THSD7A: variants seen among roughly 807,000 people sequenced by gnomAD.
THSD7A encodes thrombospondin type 1 domain containing 7A, also known as thrombospondin type-1 domain-containing protein 7A.
In THSD7A, 96 loss-of-function variants were observed where a neutral mutation model predicts 231.3. The ratio of observed to expected loss-of-function variants is 0.41; its 90% CI spans 0.35 to 0.49. The LOEUF (loss-of-function observed/expected upper bound fraction) is 0.49. Among genes scored for constraint, THSD7A ranks in the 20% least tolerant of loss-of-function variants. The pLI is 0.05. For missense variants in THSD7A, 2,290 were observed against 2,070.2 expected (o/e 1.11, Z -2.06); for synonymous variants, 940 against 743.3 (o/e 1.26, Z -4.30).
At chr7:11,674,898 T>G (rs533917869) in intron 1 of THSD7A, among the ~76,000 whole-genome samples, 1 of 152,162 alleles carries the variant, frequency 6.6e-6, no homozygotes, top group African/African-American at 2.4e-5. Context: ...AGTTGAAACC[T>G]AATCCAATGA....
chr7:11,407,442 A>G lies in THSD7A; in HGVS notation c.3799-19T>C. On this transcript the variant is annotated intron_variant, in intron 19 of 27. Coordinates refer to ENST00000423059, the MANE Select transcript of THSD7A (RefSeq NM_015204.3). ...AGCCAAGCTGGAAGAACAGAGGTAGATCAGGATGTATATTGTAAATTGGGG... is the reference window on the plus strand; with the variant it reads ...AGCCAAGCTGGAAGAACAGAGGTAGGTCAGGATGTATATTGTAAATTGGGG... The G allele has an allele frequency of 1.9e-6, 3 of 1,578,180 alleles. No individual in the cohort carries two copies. Among genetic ancestry groups the G allele is most frequent in the Non-Finnish European group, 2.6e-6 (3 of 1,151,708 alleles).
chr7:11,435,460 A>G (rs1784603840), intron 13 of THSD7A, among the ~76,000 whole-genome samples: 2 of 152,040 alleles, frequency 1.3e-5, no homozygotes, highest in African/African-American at 4.8e-5. Context: ...TTATCTGACC[A>G]CCTTTAAGAC....
In THSD7A at chr7:11,379,109, C is replaced by T. The variant is rs774103787; in HGVS notation, c.4762G>A (p.Gly1588Arg). ...HPTQPSSNPA[G>R]RGRTWFLQPF... ...TGTAGAAACCAGGTCCTTCCCCGTC[C>T]TGCTGGGTTACTGGAGGGTTGGGTT... The change falls in exon 26 of 28, where the codon GGA (glycine) becomes AGA (arginine). Residue 1588 changes from glycine to arginine, a missense_variant. Coordinates refer to ENST00000423059, the MANE Select transcript of THSD7A (RefSeq NM_015204.3). The T allele has an allele frequency of 1.9e-6, 3 of 1,613,620 alleles. No homozygotes were observed. The African/African-American group carries it at 4.0e-5, about 22-fold the overall frequency.
intron 7 of THSD7A, among the ~76,000 whole-genome samples, chr7:11,476,820 A>AAG (rs1786206942): frequency 8.4e-6 from 1 of 118,660 alleles, no homozygotes; most frequent in Non-Finnish European, 1.8e-5. Context: ...GTCTCAGAGA[A>AAG]AAAAAAAAAA....
intron 23 of THSD7A, among the ~76,000 whole-genome samples, chr7:11,388,680 T>G (rs1402664102): frequency 6.6e-6 from 1 of 152,150 alleles, no homozygotes; most frequent in Non-Finnish European, 1.5e-5. Context: ...GTTTTTTGTG[T>G]CTCTATTTCC....
intron 4 of THSD7A, among the ~76,000 whole-genome samples, chr7:11,585,678 C>T (rs920896261): frequency 6.6e-6 from 1 of 152,086 alleles, no homozygotes; most frequent in Non-Finnish European, 1.5e-5. Context: ...AGTCTGGGGT[C>T]GTGGGTGGCC....
chr7:11,607,515 G>C (rs1780772311), intron 2 of THSD7A, among the ~76,000 whole-genome samples: 1 of 151,206 alleles, frequency 6.6e-6, no homozygotes, highest in Admixed American at 6.6e-5. Context: ...AGTTCTGATT[G>C]TCTTGTGTTT....
At position 11,377,154 on chromosome 7, in the gene THSD7A, TTAA is replaced by T. The variant is rs1444816302; in HGVS notation, c.4802-500_4802-498del. On this transcript the variant is annotated intron_variant, in intron 26 of 27. Transcript: ENST00000423059. The surrounding 1 kb of genome is among the most constrained non-coding windows in gnomAD (Gnocchi z 4.5). ...TGAATATATTTAAGATTTTATGGAATTAATAATCTTTTATCTAGTCTGCACTTA... is the reference window on the plus strand; with the variant it reads ...TGAATATATTTAAGATTTTATGGAATTAATCTTTTATCTAGTCTGCACTTA... 1.3e-5 allele frequency: 2 copies of T among 152,174 alleles called. No homozygotes were observed. Among genetic ancestry groups the T allele is most frequent in the Non-Finnish European group, 1.5e-5 (1 of 68,026 alleles). 9.4% of individuals were successfully genotyped at this position (152,174 alleles called of 1,614,324 possible). A position where few individuals can be genotyped will look rare whatever the true frequency, so the allele number is the denominator to read the frequency against.
intron 25 of THSD7A, 48 bp from the exon 26 acceptor site, chr7:11,379,328 G>C (rs761935650): frequency 6.3e-7 from 1 of 1,585,254 alleles, no homozygotes; most frequent in South Asian, 1.1e-5. Context: ...GGAATCTTTG[G>C]AAGTCTAACA....
At chr7:11,471,078 G>C (rs1246612802) in intron 8 of THSD7A, among the ~76,000 whole-genome samples, 2 of 151,870 alleles carry the variant, frequency 1.3e-5, no homozygotes, top group Non-Finnish European at 2.9e-5. Flanking sequence ...GAGGTCAAAT[G>C]CTGATAATGA....
intron 1 of THSD7A, among the ~76,000 whole-genome samples, chr7:11,769,140 TATATATATATA>T (rs1172922877): frequency 3.2e-5 from 2 of 62,376 alleles, no homozygotes; most frequent in South Asian, 6.6e-4. Context: ...TATATATATA[TATATATATATA>T]TATTTTTTTT....
At chr7:11,581,371 A>T (rs1012156338) in intron 4 of THSD7A, among the ~76,000 whole-genome samples, 5 of 151,984 alleles carry the variant, frequency 3.3e-5, no homozygotes, top group African/African-American at 1.2e-4. Context: ...GCTTAATATG[A>T]CTCATATACT....
At chr7:11,427,968 T>C (rs577028160) in intron 14 of THSD7A, among the ~76,000 whole-genome samples, 3 of 152,318 alleles carry the variant, frequency 2.0e-5, no homozygotes, top group South Asian at 4.1e-4. Flanking sequence ...TTTTATAGAA[T>C]TTAATTCTTC....
intron 6 of THSD7A, among the ~76,000 whole-genome samples, chr7:11,499,707 G>A (rs1242784310): frequency 2.0e-5 from 3 of 152,164 alleles, no homozygotes; most frequent in African/African-American, 7.2e-5. Context: ...AACAAGCTGA[G>A]AAAAGAATCT....
chr7:11,540,793 A>G (rs1429080877), intron 6 of THSD7A, among the ~76,000 whole-genome samples: 1 of 152,202 alleles, frequency 6.6e-6, no homozygotes, highest in African/African-American at 2.4e-5. Context: ...TATTAGTTGT[A>G]AAAGTCCAAG....
rs977905205 is a variant in THSD7A at position 11,814,048 on chromosome 7, A to T, written c.190+17709T>A. On this transcript the variant is annotated intron_variant, in intron 1 of 27. Transcript: ENST00000423059. The surrounding 1 kb of genome is among the most constrained non-coding windows in gnomAD (Gnocchi z 5.1). Reference sequence around the variant, plus strand: ...CGAAATAAAAGGTGCTAGTCACAAAAGATCACGCAAGTTATGATGCCATTC... The same window carrying T: ...CGAAATAAAAGGTGCTAGTCACAAATGATCACGCAAGTTATGATGCCATTC... Among the ~76,000 whole-genome samples, 5 of 152,206 alleles carry T rather than the reference A, an allele frequency of 3.3e-5. No individual in the cohort carries two copies. The highest frequency in any genetic ancestry group is 7.3e-5 in the Non-Finnish European group (5 of 68,038).
At chr7:11,760,609 C>T (rs1782823895) in intron 1 of THSD7A, among the ~76,000 whole-genome samples, 1 of 152,026 alleles carries the variant, frequency 6.6e-6, no homozygotes. Flanking sequence ...AGCAATATAG[C>T]CTCTAGGCTC....
chr7:11,566,045 C>CT (rs1790304214), intron 4 of THSD7A, among the ~76,000 whole-genome samples: 1 of 135,362 alleles, frequency 7.4e-6, no homozygotes, highest in Admixed American at 8.3e-5. Context: ...GACAAGGCTC[C>CT]TTAAAAAAAT....
At chr7:11,697,544 T>C (rs546981927) in intron 1 of THSD7A, among the ~76,000 whole-genome samples, 4 of 151,398 alleles carry the variant, frequency 2.6e-5, no homozygotes, top group African/African-American at 9.7e-5. Flanking sequence ...TGAGAGATTA[T>C]ATTGATAAAC....
Sources: gnomAD v4.1 joint callset for allele counts (sites outside exome capture counted in the v4.1 genomes callset) on GRCh38, gnomAD v4.1.1 for gene constraint, Gnocchi (gnomAD v3.1) non-coding constraint, MANE v1.5 for transcripts, NCBI Gene and HGNC (gene_info 2026-07-23, HGNC 2026-07-21) for gene names.